SEMA3A: variants seen among roughly 807,000 people sequenced by gnomAD.
SEMA3A encodes semaphorin 3A, also known as semaphorin-3A.
A neutral mutation model predicts 97.9 loss-of-function variants in SEMA3A; 29 were observed. The ratio of observed to expected loss-of-function variants is 0.30; its 90% confidence interval spans 0.22 to 0.40. The LOEUF is 0.40. SEMA3A is among the 10% of genes least tolerant of loss of function. The pLI is 1.00. For missense variants in SEMA3A, 763 were observed against 951.3 expected, an observed-to-expected ratio of 0.80 and a Z score of 2.60; for synonymous variants, 321 against 323.7, an observed-to-expected ratio of 0.99 and a Z score of 0.09.
intron 3 of SEMA3A, among the ~76,000 whole-genome samples, chr7:84,234,771 A>G (rs1799194936): frequency 6.6e-6 from 1 of 152,042 alleles, no homozygotes; most frequent in Non-Finnish European, 1.5e-5. Context: ...TTTATTTTAT[A>G]TATCTGTAGA....
intron 11 of SEMA3A, among the ~76,000 whole-genome samples, chr7:84,003,873 C>T (rs575149528): frequency 6.6e-6 from 1 of 152,164 alleles, no homozygotes; most frequent in African/African-American, 2.4e-5. Context: ...TTATGAAACC[C>T]TGGGTCTGCT....
intron 2 of SEMA3A, among the ~76,000 whole-genome samples, chr7:84,362,933 T>C (rs1425324975): frequency 6.6e-6 from 1 of 151,912 alleles, no homozygotes; most frequent in East Asian, 1.9e-4. Context: ...TGATCCAAGT[T>C]TGGAAATATG....
At chr7:84,179,310 C>A (rs1797664056) in intron 1 of SEMA3A, among the ~76,000 whole-genome samples, 1 of 152,136 alleles carries the variant, frequency 6.6e-6, no homozygotes. Flanking sequence ...TTATTATCTG[C>A]CACTCCATTC....
At chr7:84,450,845 T>C (rs1805536637) in intron 1 of SEMA3A, among the ~76,000 whole-genome samples, 1 of 152,224 alleles carries the variant, frequency 6.6e-6, no homozygotes, top group Non-Finnish European at 1.5e-5. Context: ...GTCAGTTTCT[T>C]AAATTAGATT....
At chr7:84,481,984 C>A (rs1806459040) in intron 1 of SEMA3A, among the ~76,000 whole-genome samples, 1 of 151,528 alleles carries the variant, frequency 6.6e-6, no homozygotes, top group Non-Finnish European at 1.5e-5. Flanking sequence ...TAGTACATAT[C>A]TTTTTAAGAG....
chr7:83,981,873 C>G (rs974528403), intron 13 of SEMA3A, among the ~76,000 whole-genome samples: 4 of 152,012 alleles, frequency 2.6e-5, no homozygotes. Context: ...AGGCAGGAAC[C>G]ATTGCTTCTG....
chr7:84,455,796 ATC>A (rs1584337953), intron 1 of SEMA3A, among the ~76,000 whole-genome samples: 1 of 152,162 alleles, frequency 6.6e-6, no homozygotes, highest in Non-Finnish European at 1.5e-5. Flanking sequence ...GGAAGTAAAC[ATC>A]TGTTTCATTT....
At chr7:83,970,125 T>A (rs1269829102) in intron 15 of SEMA3A, among the ~76,000 whole-genome samples, 1 of 152,188 alleles carries the variant, frequency 6.6e-6, no homozygotes, top group Non-Finnish European at 1.5e-5. Context: ...AACATTAAAA[T>A]TATTTTAAAA....
At chr7:84,244,640 G>A (rs1258983415) in intron 3 of SEMA3A, among the ~76,000 whole-genome samples, 3 of 151,962 alleles carry the variant, frequency 2.0e-5, no homozygotes, top group Non-Finnish European at 4.4e-5. Flanking sequence ...ATTATGCTAG[G>A]TGGTTATTTT....
intron 1 of SEMA3A, among the ~76,000 whole-genome samples, chr7:84,401,445 C>A: frequency 6.9e-6 from 1 of 144,172 alleles, no homozygotes; most frequent in South Asian, 2.2e-4. Context: ...TCTATAGATT[C>A]AATGAAATCT....
chr7:84,180,007 C>T (rs764433131), intron 1 of SEMA3A, among the ~76,000 whole-genome samples: 3 of 139,422 alleles, frequency 2.2e-5, no homozygotes, highest in Non-Finnish European at 3.0e-5. Context: ...CTTGTTGTGG[C>T]GCGATCTCGG....
chr7:84,442,691 C>A (rs1431621867), intron 1 of SEMA3A, among the ~76,000 whole-genome samples: 2 of 152,008 alleles, frequency 1.3e-5, no homozygotes, highest in Admixed American at 6.5e-5. Flanking sequence ...ATTAAACAAG[C>A]AAATGAACAT....
At chr7:84,102,640 G>C (rs1195682384) in intron 4 of SEMA3A, among the ~76,000 whole-genome samples, 1 of 133,284 alleles carries the variant, frequency 7.5e-6, no homozygotes, top group Non-Finnish European at 1.6e-5. Context: ...TTGCCCAGTG[G>C]TGTGATCTTA....
chr7:84,132,882 C>T (rs1156363930), intron 2 of SEMA3A, among the ~76,000 whole-genome samples: 6 of 151,750 alleles, frequency 4.0e-5, no homozygotes, highest in African/African-American at 1.5e-4. Context: ...ACCATGTTGG[C>T]CAGGCTGGTC....
At chr7:84,011,375 TCAGA>T (rs1268516394) in intron 7 of SEMA3A, 78 bp from the exon 8 acceptor site, 2 of 913,494 alleles carry the variant, frequency 2.2e-6, no homozygotes, top group Non-Finnish European at 3.5e-6. Flanking sequence ...CTTCATATCT[TCAGA>T]CAAACATAAA....
rs889328211 is a variant in SEMA3A, at chr7:84,209,268, C to T, written c.-82-14600G>A. Among the ~76,000 whole-genome samples, 16 of 152,272 alleles carry T rather than the reference C, an allele frequency of 1.1e-4. No individual in the cohort carries two copies. In the South Asian group the frequency reaches 1.2e-3, roughly 12 times the overall value. ...GATCCAAGTAGGAATGACAACAAAACGATTCTATCATTTAATCACTCCATG... is the reference window on the plus strand; with the variant it reads ...GATCCAAGTAGGAATGACAACAAAATGATTCTATCATTTAATCACTCCATG... On this transcript the variant is annotated intron_variant, in intron 3 of 3. Coordinates refer to the SEMA3A transcript ENST00000424555.
At chr7:84,406,315 C>A (rs1804085719) in intron 1 of SEMA3A, among the ~76,000 whole-genome samples, 1 of 152,226 alleles carries the variant, frequency 6.6e-6, no homozygotes, top group African/African-American at 2.4e-5. Context: ...TGGATAAATT[C>A]CTTGACACAT....
At chr7:84,451,720 T>C (rs1378382203) in intron 1 of SEMA3A, among the ~76,000 whole-genome samples, 1 of 152,196 alleles carries the variant, frequency 6.6e-6, no homozygotes, top group African/African-American at 2.4e-5. Context: ...ACAAAACTTC[T>C]GTTGGAAAAT....
intron 2 of SEMA3A, among the ~76,000 whole-genome samples, chr7:84,312,155 T>TG: frequency 6.6e-6 from 1 of 152,032 alleles, no homozygotes; most frequent in East Asian, 1.9e-4. Context: ...TTTTTGTTGA[T>TG]GGTCACTAGA....
Sources: gnomAD v4.1 joint callset for allele counts (sites outside exome capture counted in the v4.1 genomes callset) on GRCh38, gnomAD v4.1.1 for gene constraint, MANE v1.5 for transcripts, NCBI Gene and HGNC (gene_info 2026-07-23, HGNC 2026-07-21) for gene names.